The following WFDC1 variants were observed in gnomAD, a reference collection of about 807,000 sequenced individuals.
WFDC1 encodes WAP four-disulfide core domain 1.
Under a neutral mutation model 32.9 loss-of-function variants are expected in WFDC1, and 39 were observed. The ratio of observed to expected loss-of-function variants is 1.19; its 90% CI spans 0.92 to 1.55. The LOEUF (loss-of-function observed/expected upper bound fraction) is 1.55. Among genes scored for constraint, WFDC1 ranks in the 40% most tolerant of loss-of-function variants. The probability of loss-of-function intolerance (pLI) is 0.00; values close to 1 mark genes in which losing one functional copy is unlikely to be tolerated. For synonymous variants in WFDC1, 184 were observed against 137.4 expected, an observed-to-expected ratio of 1.34 and a Z score of -2.37; for missense variants, 386 against 309.5, an observed-to-expected ratio of 1.25 and a Z score of -1.85.
chr16:84,308,548 A>G (rs951424953), intron 1 of WFDC1, among the ~76,000 whole-genome samples: 8 of 152,232 alleles, frequency 5.3e-5, no homozygotes, highest in African/African-American at 1.9e-4. Context: ...GGCCAATTGA[A>G]GCTGATGGGA....
chr16:84,320,040 T>G (rs940484371), intron 4 of WFDC1, among the ~76,000 whole-genome samples: 3 of 152,188 alleles, frequency 2.0e-5, no homozygotes, highest in Non-Finnish European at 1.5e-5. Flanking sequence ...AACTTAAGAT[T>G]GTTAGACTTT....
intron 2 of WFDC1, chr16:84,316,500 C>T (rs8053196): frequency 6.6e-6 from 1 of 152,186 alleles, no homozygotes; most frequent in Non-Finnish European, 1.5e-5. Flanking sequence ...TGGCTCACAC[C>T]TGTAATCCCA....
At chr16:84,298,848 G>A (rs922248354) in intron 1 of WFDC1, among the ~76,000 whole-genome samples, 2 of 152,192 alleles carry the variant, frequency 1.3e-5, no homozygotes, top group Admixed American at 6.5e-5. Context: ...CTTAGGAGAA[G>A]CTTCTAATGA....
At chr16:84,310,657 C>T (rs971088310) in intron 1 of WFDC1, among the ~76,000 whole-genome samples, 1 of 152,040 alleles carries the variant, frequency 6.6e-6, no homozygotes, top group Non-Finnish European at 1.5e-5. Flanking sequence ...TCAGCCTATG[C>T]AAATAGATAT....
At chr16:84,322,496 C>G (rs1241927567) in intron 4 of WFDC1, among the ~76,000 whole-genome samples, 1 of 151,972 alleles carries the variant, frequency 6.6e-6, no homozygotes, top group Admixed American at 6.6e-5. Flanking sequence ...ACCTTGAATC[C>G]CCCACCCAGA....
intron 1 of WFDC1, among the ~76,000 whole-genome samples, chr16:84,311,476 C>A (rs981410034): frequency 6.7e-6 from 1 of 149,406 alleles, no homozygotes; most frequent in African/African-American, 2.5e-5. Flanking sequence ...GATCCACCTA[C>A]CTTGGCCTCC....
rs779995536 is a variant in WFDC1, at chr16:84,313,122, C to T, written c.306C>T (p.Tyr102=). 1.1e-4 allele frequency: 152 copies of T among 1,445,692 alleles called. No homozygotes were observed. In the South Asian group the frequency reaches 1.7e-3, roughly 16 times the overall value. 89.6% of individuals were successfully genotyped at this position (1,445,692 alleles called of 1,614,324 possible). A position where few individuals can be genotyped will look rare whatever the true frequency, so the allele number is the denominator to read the frequency against. Residue 102 remains tyrosine (Y), a synonymous_variant, in exon 2 of 7, where the codon TAC becomes TAT. Coordinates refer to ENST00000219454, the MANE Select transcript of WFDC1 (RefSeq NM_021197.4). The part of the protein sequence containing the change: ...HRRCCYNGCA[Y]ACLEAVPPPP... Reference sequence around the variant, plus strand: ...GCTGCTGCTACAACGGATGCGCCTACGCCTGCCTAGAAGCTGTGCCGCCCC... The same window carrying T: ...GCTGCTGCTACAACGGATGCGCCTATGCCTGCCTAGAAGCTGTGCCGCCCC...
At chr16:84,317,573 GT>G (rs1190845629) in intron 2 of WFDC1, 2 of 152,024 alleles carry the variant, frequency 1.3e-5, no homozygotes, top group Non-Finnish European at 2.9e-5. Flanking sequence ...GACTCTTTCT[GT>G]TAAAACCAGG....
At chr16:84,319,928 G>A (rs1036098630) in intron 4 of WFDC1, among the ~76,000 whole-genome samples, 1 of 152,200 alleles carries the variant, frequency 6.6e-6, no homozygotes, top group Non-Finnish European at 1.5e-5. Context: ...GAAATCATAA[G>A]TGCAGAGCAG....
intron 5 of WFDC1, chr16:84,325,827 C>T (rs1311246591): frequency 6.6e-6 from 1 of 152,200 alleles, no homozygotes; most frequent in African/African-American, 2.4e-5. Context: ...TATATCCACT[C>T]ATCTATTTGC....
intron 3 of WFDC1, 184 bp downstream of exon 3, chr16:84,318,539 G>T (rs188174455): frequency 1.7e-6 from 1 of 604,036 alleles, no homozygotes; most frequent in South Asian, 1.8e-5. Flanking sequence ...GGCTTGGCCA[G>T]AATCAAAGCC....
intron 1 of WFDC1, among the ~76,000 whole-genome samples, chr16:84,298,239 T>C (rs1451733932): frequency 6.6e-6 from 1 of 151,928 alleles, no homozygotes; most frequent in African/African-American, 2.4e-5. Flanking sequence ...TCCTGAGTAG[T>C]TGGGATTACA....
At chr16:84,312,120 G>A (rs976584286) in intron 1 of WFDC1, among the ~76,000 whole-genome samples, 1 of 152,096 alleles carries the variant, frequency 6.6e-6, no homozygotes, top group Non-Finnish European at 1.5e-5. Flanking sequence ...AGCTGAGATC[G>A]CGCCACTGCA....
In WFDC1 at chr16:84,322,702, G is replaced by C. The variant is rs551750955; in HGVS notation, c.563-1717G>C. Among the ~76,000 whole-genome samples, 67 of 152,336 alleles carry C rather than the reference G, an allele frequency of 4.4e-4. 1 individual carries two copies. The highest frequency in any genetic ancestry group is 1.5e-3 in the African/African-American group (63 of 41,578). ...TTCAAGTTTGACCATCCAGCACCTG[G>C]AACCAGGCATTTGAGGGGTTCACAT... is the stretch of plus-strand genomic sequence containing the variant. On this transcript the variant is annotated intron_variant, in intron 4 of 6. Coordinates refer to ENST00000219454, the MANE Select transcript of WFDC1 (RefSeq NM_021197.4).
In WFDC1 at chr16:84,295,070, T is replaced by C; in HGVS notation, c.99T>C (p.Asn33=). 1 of 1,614,180 alleles carries C rather than the reference T, an allele frequency of 6.2e-7. No homozygotes were observed. The highest frequency in any genetic ancestry group is 1.3e-5 in the African/African-American group (1 of 75,058). The change falls in exon 1 of 7, where the codon AAT becomes AAC. Residue 33 remains asparagine (N), a synonymous_variant. Coordinates refer to ENST00000219454, the MANE Select transcript of WFDC1 (RefSeq NM_021197.4). The part of the protein sequence containing the change: ...LLLLHAGSAK[N]IWKRALPARL... Reference sequence around the variant, plus strand: ...TCCTCCACGCCGGCTCTGCCAAGAATATCTGGAAACGGGCATTGCCTGCGA... The same window carrying C: ...TCCTCCACGCCGGCTCTGCCAAGAACATCTGGAAACGGGCATTGCCTGCGA...
At chr16:84,312,269 C>T (rs529979735) in intron 1 of WFDC1, among the ~76,000 whole-genome samples, 1 of 152,246 alleles carries the variant, frequency 6.6e-6, no homozygotes, top group Non-Finnish European at 1.5e-5. Context: ...TGTAACCAGC[C>T]CCCAGACCAA....
rs7187675 is a variant in WFDC1, at chr16:84,315,180, C to T, written c.337+2027C>T. Among the ~76,000 whole-genome samples, 374 of 152,330 alleles carry T rather than the reference C, an allele frequency of 2.5e-3. 2 individuals are homozygous for T. The highest frequency in any genetic ancestry group is 8.5e-3 in the African/African-American group (352 of 41,576). On this transcript the variant is annotated intron_variant, in intron 2 of 6. Coordinates refer to ENST00000219454, the MANE Select transcript of WFDC1 (RefSeq NM_021197.4). ...TCCTTCATTGCCAGGAATATCCTCC[C>T]CCAGACATCCCATGGCTCACTTCCT...
At chr16:84,318,749 G>T (rs78816742) in intron 3 of WFDC1, 1 of 233,584 alleles carries the variant, frequency 4.3e-6, no homozygotes, top group Non-Finnish European at 8.8e-6. Context: ...CAGCATGCAG[G>T]TCGGGGGCCT....
chr16:84,322,281 T>C (rs556674982), intron 4 of WFDC1, among the ~76,000 whole-genome samples: 36 of 152,064 alleles, frequency 2.4e-4, no homozygotes, highest in Middle Eastern at 6.8e-3. Flanking sequence ...GGCTGACACT[T>C]AGCAATAATT....
Sources: allele counts gnomAD v4.1 joint callset (sites outside exome capture counted in the v4.1 genomes callset), GRCh38; gene constraint gnomAD v4.1.1; transcripts MANE v1.5; gene names NCBI Gene and HGNC (gene_info 2026-07-23, HGNC 2026-07-21).